The following MICU1 variants were observed in gnomAD, a reference collection of about 807,000 sequenced individuals.
The protein encoded by MICU1 is mitochondrial calcium uptake 1.
A neutral mutation model predicts 56.8 loss-of-function variants in MICU1; 45 were observed. The observed-to-expected ratio is 0.79, with a 90% CI of 0.62 to 1.02. MICU1 has a LOEUF of 1.02. MICU1 is among the 50% of genes least tolerant of loss of function. The pLI is 0.00. For synonymous variants in MICU1, 186 were observed against 195.1 expected (o/e 0.95, Z 0.39); for missense variants, 504 against 587.1 (o/e 0.86, Z 1.46).
intron 8 of MICU1, among the ~76,000 whole-genome samples, chr10:72,431,303 C>T (rs1185865764): frequency 2.0e-5 from 3 of 151,996 alleles, no homozygotes; most frequent in Non-Finnish European, 4.4e-5. Flanking sequence ...CTAATTTTTG[C>T]ATTTTTGGTA....
At position 72,511,229 on chromosome 10, in the gene MICU1, G is replaced by A. The variant is rs111468103; in HGVS notation, c.538-2960C>T. 6.2e-3 allele frequency among the ~76,000 whole-genome samples: 940 copies of A among 152,254 alleles called. 7 individuals are homozygous for A. The highest frequency in any genetic ancestry group is 0.021 in the African/African-American group (866 of 41,552). ...TTTTAGGTTCACCATGTTGTAGCAT[G>A]AATCAATATTTAATTCCTTTTTATT... On this transcript the variant is annotated intron_variant, in intron 5 of 11. Coordinates refer to ENST00000361114, the MANE Select transcript of MICU1 (RefSeq NM_001195518.2).
intron 1 of MICU1, among the ~76,000 whole-genome samples, chr10:72,609,591 G>A (rs970130281): frequency 2.6e-5 from 4 of 151,774 alleles, no homozygotes; most frequent in Non-Finnish European, 1.5e-5. Context: ...AAAATTAGCT[G>A]GGTGTGGTGG....
chr10:72,456,646 T>C (rs1030874813), intron 8 of MICU1, among the ~76,000 whole-genome samples: 3 of 152,186 alleles, frequency 2.0e-5, no homozygotes, highest in South Asian at 2.1e-4. Context: ...CTATGTGATA[T>C]AATAAATGTT....
chr10:72,500,309 T>A (rs1459900496), intron 6 of MICU1, among the ~76,000 whole-genome samples: 205 of 13,906 alleles, frequency 0.015, 2 homozygotes, highest in African/African-American at 0.041. Context: ...TATATTTTTT[T>A]TTTTTTTTTT....
intron 8 of MICU1, among the ~76,000 whole-genome samples, chr10:72,429,497 TTTAAGA>T (rs1589211280): frequency 6.6e-6 from 1 of 151,980 alleles, no homozygotes; most frequent in Admixed American, 6.6e-5. Flanking sequence ...TTAGAATGAC[TTTAAGA>T]TTAAACTACT....
chr10:72,436,127 C>A (rs868667438), intron 8 of MICU1, among the ~76,000 whole-genome samples: 1 of 152,228 alleles, frequency 6.6e-6, no homozygotes. Flanking sequence ...CTGGGAGACA[C>A]CTCCCAGTAG....
chr10:72,551,149 AC>A (rs746116068), intron 4 of MICU1, 29 bp downstream of exon 4: 1 of 1,564,322 alleles, frequency 6.4e-7, no homozygotes, highest in South Asian at 1.2e-5. Context: ...AATAAATATC[AC>A]AGTCTTATAT....
chr10:72,438,954 T>C (rs1216479410), intron 8 of MICU1, among the ~76,000 whole-genome samples: 1 of 151,998 alleles, frequency 6.6e-6, no homozygotes, highest in Non-Finnish European at 1.5e-5. Context: ...GATTCACAGG[T>C]GAATTCTACC....
chr10:72,433,514 G>A (rs140227009), intron 8 of MICU1, among the ~76,000 whole-genome samples: 6,730 of 150,362 alleles, frequency 0.045, 416 homozygotes, highest in East Asian at 0.19. Context: ...TGCAAGCTCC[G>A]CCTCCCAGGT....
At chr10:72,601,320 A>G (rs1259932805) in intron 1 of MICU1, among the ~76,000 whole-genome samples, 1 of 151,528 alleles carries the variant, frequency 6.6e-6, no homozygotes, top group Non-Finnish European at 1.5e-5. Context: ...GCTACTCAAG[A>G]GGCTGAGGTG....
At chr10:72,484,263 C>A (rs1866392731) in intron 6 of MICU1, among the ~76,000 whole-genome samples, 1 of 151,982 alleles carries the variant, frequency 6.6e-6, no homozygotes, top group Non-Finnish European at 1.5e-5. Context: ...CCAGAAATTT[C>A]CTTAGTGGGA....
chr10:72,398,846 C>G (rs111587541), intron 10 of MICU1, among the ~76,000 whole-genome samples: 1 of 152,244 alleles, frequency 6.6e-6, no homozygotes, highest in African/African-American at 2.4e-5. Flanking sequence ...GGATTCACAG[C>G]CAAATTCTAC....
intron 11 of MICU1, 82 bp from the exon 12 acceptor site, chr10:72,368,437 G>C: frequency 1.3e-6 from 2 of 1,490,490 alleles, no homozygotes; most frequent in Non-Finnish European, 1.8e-6. Context: ...TCCACACAAA[G>C]TGGATTTCAA....
intron 8 of MICU1, among the ~76,000 whole-genome samples, chr10:72,471,717 C>A (rs1865957708): frequency 6.6e-6 from 1 of 152,124 alleles, no homozygotes; most frequent in Non-Finnish European, 1.5e-5. Context: ...AAATCACTTA[C>A]ATTCCCAGAT....
intron 6 of MICU1, among the ~76,000 whole-genome samples, chr10:72,506,712 C>T (rs981233899): frequency 3.9e-5 from 6 of 152,036 alleles, no homozygotes; most frequent in Non-Finnish European, 7.4e-5. Context: ...ATATTACTGC[C>T]CCCTTCATTT....
intron 8 of MICU1, among the ~76,000 whole-genome samples, chr10:72,454,292 T>A (rs1865388514): frequency 1.3e-5 from 2 of 149,972 alleles, no homozygotes; most frequent in African/African-American, 4.9e-5. Context: ...CCATCTCTAC[T>A]AAAAATACAA....
At chr10:72,460,684 C>T (rs186252770) in intron 8 of MICU1, among the ~76,000 whole-genome samples, 55 of 152,148 alleles carry the variant, frequency 3.6e-4, no homozygotes, top group African/African-American at 1.2e-3. Context: ...GACTGCAGAG[C>T]TGGCTCTGGC....
rs1841711406 is a variant in MICU1, at chr10:72,607,132, G to A, written c.-2+18878C>T. On this transcript the variant is annotated intron_variant, in intron 1 of 11. Coordinates refer to ENST00000361114, the MANE Select transcript of MICU1 (RefSeq NM_001195518.2). ...AAGGTGGGTGGCTCACAGGAGGTCA[G>A]GAGTTCAAGACCAGCCTGGCCAACA... 4.0e-5 allele frequency among the ~76,000 whole-genome samples: 6 copies of A among 151,856 alleles called. 1 individual carries two copies. In the South Asian group the frequency reaches 1.2e-3, roughly 32 times the overall value.
intron 8 of MICU1, among the ~76,000 whole-genome samples, chr10:72,446,255 AATTT>A (rs1362978820): frequency 6.6e-6 from 1 of 152,222 alleles, no homozygotes; most frequent in Non-Finnish European, 1.5e-5. Flanking sequence ...ATTTTAGACC[AATTT>A]ATTTATTTTC....
Sources: allele counts gnomAD v4.1 joint callset (sites outside exome capture counted in the v4.1 genomes callset), GRCh38; gene constraint gnomAD v4.1.1; transcripts MANE v1.5; gene names NCBI Gene and HGNC (gene_info 2026-07-23, HGNC 2026-07-21).